The following CCDC51 variants were observed in gnomAD, a reference collection of about 807,000 sequenced individuals.
CCDC51 encodes the protein coiled-coil domain containing 51, also known as mitochondrial potassium channel.
Under a neutral mutation model 24.8 loss-of-function variants are expected in CCDC51, and 25 were observed. The observed-to-expected ratio is 1.01, with a 90% CI of 0.73 to 1.41. CCDC51 has a LOEUF of 1.41. CCDC51 is among the 40% of genes most tolerant of loss of function. The pLI, the probability that CCDC51 is intolerant of heterozygous loss-of-function variation, is 0.00. For synonymous variants in CCDC51, 190 were observed against 204.3 expected, an observed-to-expected ratio of 0.93 and a Z score of 0.60; for missense variants, 466 against 519.1, an observed-to-expected ratio of 0.90 and a Z score of 0.99.
upstream of CCDC51, chr3:48,440,882 G>A (rs1183009011): frequency 1.8e-6 from 1 of 571,380 alleles, no homozygotes; most frequent in Non-Finnish European, 3.1e-6. Context: ...CGGAAACAGT[G>A]AAATGTATTT....
chr3:48,440,472 C>T (rs983360513), upstream of CCDC51: 6 of 1,611,488 alleles, frequency 3.7e-6, no homozygotes, highest in Non-Finnish European at 5.1e-6. Flanking sequence ...AGGGCGGGCG[C>T]GGAGGCACTG....
At chr3:48,443,472 T>G (rs979329359), upstream of CCDC51, among the ~76,000 whole-genome samples, 1 of 151,218 alleles carries the variant, frequency 6.6e-6, no homozygotes, top group African/African-American at 2.4e-5. Flanking sequence ...AGGCAGAGGT[T>G]GCAGTGAGCT....
Position 48,434,908 on chromosome 3 carries a change from C to A in CCDC51, c.221G>T (p.Arg74Leu), listed in dbSNP as rs371682973. The A allele has an allele frequency of 1.1e-5, 18 of 1,614,150 alleles. No individual in the cohort carries two copies. The highest frequency in any genetic ancestry group is 1.4e-5 in the Non-Finnish European group (17 of 1,180,058). ...CCAAGTCTTGGCTGTGGAGGTCGCT[C>A]GTTGCTGAATGCTGTGCCCCAGGGC... ...GRALGHSIQQ[R>L]ATSTAKTWWD... is the part of the protein sequence containing the mutation. Residue 74 changes from arginine to leucine, a missense_variant, in exon 2 of 4, where the codon CGA (arginine) becomes CTA (leucine). By Grantham distance (102) the Arg-to-Leu change is moderately radical (BLOSUM62 -2). Transcript: ENST00000395694.
At chr3:48,439,950 T>G (rs114711883) in intron 1 of CCDC51, 38 bp downstream of exon 1, 10 of 389,354 alleles carry the variant, frequency 2.6e-5, no homozygotes, top group African/African-American at 2.1e-4. Context: ...AGCGACGAGC[T>G]TGAAGCTCTT....
rs2039231395 is a variant in CCDC51 at position 48,432,981 on chromosome 3, A to G, written c.663T>C (p.Tyr221=). The G allele has an allele frequency of 6.2e-7, 1 of 1,614,170 alleles. No homozygotes were observed. The highest frequency in any genetic ancestry group is 8.5e-7 in the Non-Finnish European group (1 of 1,180,030). The stretch of plus-strand genomic sequence containing the variant: ...GCTCCTGTAGTCGCACACGGTTCAC[A>G]TAGGTGGAGCCAGCCACACCAATCA... ...GALIGVAGST[Y]VNRVRLQELK... Residue 221 remains tyrosine, a synonymous_variant, in exon 4 of 4, where the codon TAT becomes TAC. Coordinates refer to ENST00000395694, the MANE Select transcript of CCDC51 (RefSeq NM_001256964.2).
At position 48,433,350 on chromosome 3, in the gene CCDC51, A is replaced by G. The variant is rs923108494; in HGVS notation, c.478-184T>C. Among the ~76,000 whole-genome samples, 1 of 152,204 alleles carries G rather than the reference A, an allele frequency of 6.6e-6. No individual in the cohort carries two copies. The highest frequency in any genetic ancestry group is 1.5e-5 in the Non-Finnish European group (1 of 68,026). ...AGGGCAAAGGAATTGGGAGTGATCA[A>G]AGTGAGTTGCATGATCGTCCCACCT... On this transcript the variant is annotated intron_variant, in intron 3 of 3. Coordinates refer to ENST00000395694, the MANE Select transcript of CCDC51 (RefSeq NM_001256964.2). This position sits in a 1 kb window ranked among gnomAD's most constrained non-coding sequence, Gnocchi z 4.4.
At chr3:48,440,610 G>A, upstream of CCDC51, 2 of 1,611,530 alleles carry the variant, frequency 1.2e-6, no homozygotes, top group South Asian at 2.2e-5. Flanking sequence ...AGCGAAGGCC[G>A]CGGGGAAGGG....
rs773933610 is a variant in CCDC51 at position 48,433,835 on chromosome 3, G to T, written c.349C>A (p.Arg117=). The change falls in exon 3 of 4, where the codon CGA becomes AGA. Residue 117 remains arginine, a synonymous_variant. Coordinates refer to ENST00000395694, the MANE Select transcript of CCDC51 (RefSeq NM_001256964.2). This position sits in a 1 kb window ranked among gnomAD's most constrained non-coding sequence, Gnocchi z 4.4. Reference sequence around the variant, plus strand: ...ACTTCCAAGTCCTCCCGAGCCTCTCGGACAAGCCCTCGAGCCACCATGAAC... The same window carrying T: ...ACTTCCAAGTCCTCCCGAGCCTCTCTGACAAGCCCTCGAGCCACCATGAAC... ...KVFMVARGLV[R]EAREDLEVHQ... 1 of 1,613,976 alleles carries T rather than the reference G, an allele frequency of 6.2e-7. No homozygotes were observed. The highest frequency in any genetic ancestry group is 8.5e-7 in the Non-Finnish European group (1 of 1,179,988).
At position 48,432,429 on chromosome 3, in the gene CCDC51, G is replaced by C. The variant is rs546450425; in HGVS notation, c.1215C>G (p.Tyr405Ter). The change falls in exon 4 of 4, where the codon TAC becomes TAG. Residue 405 changes from tyrosine to a stop codon, truncating the protein, a stop_gained. Transcript: ENST00000395694. LOFTEE classifies it high-confidence loss of function. ...VTFVATLPVLYMLFKAS is the reference protein window; with the variant it reads ...VTFVATLPVL ...GGGGTTAGCTGGCTTTGAATAGCATGTAGAGCACAGGCAGTGTGGCCACAA... is the reference window on the plus strand; with the variant it reads ...GGGGTTAGCTGGCTTTGAATAGCATCTAGAGCACAGGCAGTGTGGCCACAA... 6.2e-7 allele frequency: 1 copy of C among 1,614,110 alleles called. No individual in the cohort carries two copies.
chr3:48,444,691 G>A (rs995976996), upstream of CCDC51, among the ~76,000 whole-genome samples: 13 of 152,236 alleles, frequency 8.5e-5, no homozygotes, highest in Admixed American at 7.9e-4. Context: ...AGGCACTGGG[G>A]TATGTAACGG....
upstream of CCDC51, chr3:48,440,700 T>A: frequency 7.1e-7 from 1 of 1,401,146 alleles, no homozygotes; most frequent in Non-Finnish European, 9.9e-7. Context: ...GGCGCGGGCA[T>A]GTCTTTTTCC....
Position 48,432,889 on chromosome 3 carries a change from G to T in CCDC51, c.755C>A (p.Ala252Glu). The change falls in exon 4 of 4, where the codon GCG (alanine) becomes GAG (glutamate). Residue 252 changes from alanine (A) to glutamate (E), a missense_variant. Transcript: ENST00000395694. ...CCTCTGCTGGCGGGAGTAGCTAGACGCCTGTTCTCGAATGGCCTCTTGGAG... is the reference window on the plus strand; with the variant it reads ...CCTCTGCTGGCGGGAGTAGCTAGACTCCTGTTCTCGAATGGCCTCTTGGAG... The part of the protein sequence containing the change: ...VSLQEAIREQ[A>E]SSYSRQQRDL... 1 of 1,614,022 alleles carries T rather than the reference G, an allele frequency of 6.2e-7. No homozygotes were observed. The highest frequency in any genetic ancestry group is 8.5e-7 in the Non-Finnish European group (1 of 1,180,024).
At position 48,433,704 on chromosome 3, in the gene CCDC51, T is replaced by C. The variant is rs899788624; in HGVS notation, c.477+3A>G. 2 of 1,612,440 alleles carry C rather than the reference T, an allele frequency of 1.2e-6. No homozygotes were observed. Among genetic ancestry groups the C allele is most frequent in the African/African-American group, 2.7e-5 (2 of 74,862 alleles). ...CGAAAGGGCTGCCTCCTGAGGTGCC[T>C]ACCTGCAGCATCCTGTGCTCGAGAG... On this transcript the variant is annotated splice_donor_region_variant and intron_variant, in intron 3 of 3. Transcript: ENST00000395694. This position sits in a 1 kb window ranked among gnomAD's most constrained non-coding sequence, Gnocchi z 4.4.
upstream of CCDC51, chr3:48,440,184 T>G: frequency 6.7e-7 from 1 of 1,496,074 alleles, no homozygotes. Flanking sequence ...GTAGCGAGAG[T>G]TCAACTTCCT....
At chr3:48,446,623 C>G in the CCDC51 span, 2 of 445,750 alleles carry the variant, frequency 4.5e-6, no homozygotes, top group Non-Finnish European at 7.2e-6. Context: ...CCGAATCCCG[C>G]CCGTGGACCT....
chr3:48,433,725 G>A lies in CCDC51; in HGVS notation c.459C>T (p.Leu153=), dbSNP rs761859843. 19 of 1,613,724 alleles carry A rather than the reference G, an allele frequency of 1.2e-5. No individual in the cohort carries two copies. The highest frequency in any genetic ancestry group is 6.7e-5 in the African/African-American group (5 of 74,892). Residue 153 remains leucine, a synonymous_variant, in exon 3 of 4, where the codon CTC becomes CTT. Transcript: ENST00000395694. This position sits in a 1 kb window ranked among gnomAD's most constrained non-coding sequence, Gnocchi z 4.4. ...TGCCTACCTGCAGCATCCTGTGCTC[G>A]AGAGTAGCCAGTTCCAAGTACTGAC... ...EDSQYLELAT[L]EHRMLQEEKR...
chr3:48,432,389 C>G lies in CCDC51; in HGVS notation c.*19G>C, dbSNP rs757948983. On this transcript the variant is annotated 3_prime_UTR_variant, in exon 4 of 4. Coordinates refer to ENST00000395694, the MANE Select transcript of CCDC51 (RefSeq NM_001256964.2). ...ATTCACAGCTATTGCCTCAGACCCT[C>G]TGGAGGAGGGGCCAGGGGTTAGCTG... The G allele has an allele frequency of 6.2e-7, 1 of 1,612,830 alleles. No individual in the cohort carries two copies. The highest frequency in any genetic ancestry group is 8.5e-7 in the Non-Finnish European group (1 of 1,178,890).
At chr3:48,444,063 C>G (rs1480200184), upstream of CCDC51, 1 of 426,066 alleles carries the variant, frequency 2.3e-6, no homozygotes, top group African/African-American at 2.0e-5. Flanking sequence ...CTCATCATCT[C>G]TTTAGTTGTT....
chr3:48,444,439 A>T (rs1004180141), upstream of CCDC51, among the ~76,000 whole-genome samples: 3 of 151,966 alleles, frequency 2.0e-5, no homozygotes, highest in Non-Finnish European at 2.9e-5. Context: ...TGCCTAGCTA[A>T]TTTTTTGTAT....
Sources: gnomAD v4.1 joint callset for allele counts (sites outside exome capture counted in the v4.1 genomes callset) on GRCh38, gnomAD v4.1.1 for gene constraint, Gnocchi (gnomAD v3.1) non-coding constraint, MANE v1.5 for transcripts, NCBI Gene and HGNC (gene_info 2026-07-23, HGNC 2026-07-21) for gene names.